Variants in RAI14 observed in about 807,000 individuals in gnomAD.
The protein encoded by RAI14 is ankycorbin.
A neutral mutation model predicts 115.4 loss-of-function variants in RAI14; 45 were observed. The observed-to-expected ratio is 0.39, with a 90% confidence interval of 0.31 to 0.50. The LOEUF is 0.50. Ranked by LOEUF, RAI14 falls within the 20% of genes least tolerant of loss-of-function variation. RAI14 has a pLI of 0.85. For synonymous variants in RAI14, 371 were observed against 415.4 expected (o/e 0.89, Z 1.30); for missense variants, 939 against 1,131.2 (o/e 0.83, Z 2.44).
chr5:34,690,063 G>A (rs1561241281), intron 2 of RAI14, among the ~76,000 whole-genome samples: 1 of 152,176 alleles, frequency 6.6e-6, no homozygotes, highest in Non-Finnish European at 1.5e-5. Context: ...CTGCCGAACA[G>A]GGAAACTGAG....
rs549473263 is a variant in RAI14, at chr5:34,778,804, T to C, written c.168-17135T>C. ...TTAATGGTATAAATATATTGGCATA[T>C]AGACTTTTGAATGACATTTCGTGTC... On this transcript the variant is annotated intron_variant, in intron 3 of 17. Transcript: ENST00000265109. 3.3e-5 allele frequency among the ~76,000 whole-genome samples: 5 copies of C among 151,272 alleles called. No homozygotes were observed. In the South Asian group the frequency reaches 1.0e-3, roughly 32 times the overall value.
intron 1 of RAI14, among the ~76,000 whole-genome samples, chr5:34,675,198 C>T (rs1324439658): frequency 6.6e-6 from 1 of 152,216 alleles, no homozygotes; most frequent in Admixed American, 6.5e-5. Context: ...GCCCAGGCCA[C>T]TGGATCTTTT....
At chr5:34,722,771 G>A (rs138653355) in intron 2 of RAI14, among the ~76,000 whole-genome samples, 23,669 of 150,770 alleles carry the variant, frequency 0.16, 2,199 homozygotes, top group Non-Finnish European at 0.19. Context: ...ACTTGAACCA[G>A]GGAGGTGGAG....
At chr5:34,790,864 T>C (rs1053913506) in intron 3 of RAI14, among the ~76,000 whole-genome samples, 3 of 151,844 alleles carry the variant, frequency 2.0e-5, no homozygotes, top group Non-Finnish European at 4.4e-5. Flanking sequence ...ACACAGGATA[T>C]GCCTACAGAA....
At chr5:34,736,503 G>C (rs1287339005) in intron 2 of RAI14, among the ~76,000 whole-genome samples, 1 of 152,088 alleles carries the variant, frequency 6.6e-6, no homozygotes, top group African/African-American at 2.4e-5. Context: ...CGTTCATTAA[G>C]TAGACTGATA....
chr5:34,719,760 G>A (rs1449083295), intron 2 of RAI14, among the ~76,000 whole-genome samples: 1 of 152,208 alleles, frequency 6.6e-6, no homozygotes, highest in Admixed American at 6.5e-5. Flanking sequence ...TGGCATGTCA[G>A]TAACTGAACT....
At chr5:34,697,702 A>G (rs77888339) in intron 2 of RAI14, among the ~76,000 whole-genome samples, 2,871 of 152,298 alleles carry the variant, frequency 0.019, 95 homozygotes, top group African/African-American at 0.065. Context: ...TCAGCCTGTA[A>G]GTTTATGTTA....
At chr5:34,788,392 G>T (rs897017114) in intron 3 of RAI14, among the ~76,000 whole-genome samples, 2 of 152,096 alleles carry the variant, frequency 1.3e-5, no homozygotes, top group African/African-American at 4.8e-5. Flanking sequence ...ATTGCCAAAT[G>T]TTCCAAGGAT....
chr5:34,684,239 T>C (rs927190769), intron 1 of RAI14, among the ~76,000 whole-genome samples: 1 of 152,208 alleles, frequency 6.6e-6, no homozygotes, highest in African/African-American at 2.4e-5. Context: ...CTACATCAGT[T>C]CTAGGTTCTC....
intron 2 of RAI14, among the ~76,000 whole-genome samples, chr5:34,725,321 G>C (rs1319313036): frequency 1.3e-5 from 2 of 152,030 alleles, no homozygotes; most frequent in Non-Finnish European, 2.9e-5. Context: ...AATGTAATTA[G>C]TGATGTGGTG....
Position 34,796,347 on chromosome 5 carries a change from G to A in RAI14, c.256+320G>A, listed in dbSNP as rs562077438. Among the ~76,000 whole-genome samples, 4 of 150,780 alleles carry A rather than the reference G, an allele frequency of 2.7e-5. 1 individual carries two copies. The highest frequency in any genetic ancestry group is 1.9e-4 in the East Asian group (1 of 5,134). ...CTGGAGGCGGAGGTTGCAGTGAGCCGAGATTGTGCCACTGCACTCCAGCCT... is the reference window on the plus strand; with the variant it reads ...CTGGAGGCGGAGGTTGCAGTGAGCCAAGATTGTGCCACTGCACTCCAGCCT... On this transcript the variant is annotated intron_variant, in intron 4 of 17. Coordinates refer to ENST00000265109, the MANE Select transcript of RAI14 (RefSeq NM_015577.3).
chr5:34,669,843 C>A (rs1342845216), intron 1 of RAI14, among the ~76,000 whole-genome samples: 1 of 152,218 alleles, frequency 6.6e-6, no homozygotes, highest in Non-Finnish European at 1.5e-5. Context: ...ATGGAAACCT[C>A]CATCTCAGTC....
At chr5:34,688,409 T>G (rs1738137666) in intron 2 of RAI14, 1 of 624,172 alleles carries the variant, frequency 1.6e-6, no homozygotes, top group African/African-American at 1.9e-5. Flanking sequence ...TAGACTTCCA[T>G]ATATATATGA....
intron 3 of RAI14, among the ~76,000 whole-genome samples, chr5:34,760,371 A>C (rs187744695): frequency 6.6e-6 from 1 of 152,310 alleles, no homozygotes; most frequent in East Asian, 1.9e-4. Flanking sequence ...GATCAGAATC[A>C]ACCCCAGATG....
intron 2 of RAI14, among the ~76,000 whole-genome samples, chr5:34,709,849 C>T (rs115786212): frequency 1.3e-3 from 193 of 152,066 alleles, no homozygotes; most frequent in African/African-American, 4.5e-3. Context: ...GTTTTGATCT[C>T]AGAGGCATAA....
At chr5:34,776,036 T>C (rs532535016) in intron 3 of RAI14, among the ~76,000 whole-genome samples, 12 of 152,144 alleles carry the variant, frequency 7.9e-5, no homozygotes, top group Non-Finnish European at 1.6e-4. Flanking sequence ...CATCATCAGA[T>C]GAATGGATAA....
chr5:34,774,307 G>GT (rs1750565745), intron 3 of RAI14, among the ~76,000 whole-genome samples: 1 of 152,058 alleles, frequency 6.6e-6, no homozygotes, highest in South Asian at 2.1e-4. Context: ...AGAGGCAGAG[G>GT]TTGCAGTGAG....
At chr5:34,719,411 A>T (rs1742387213) in intron 2 of RAI14, among the ~76,000 whole-genome samples, 1 of 152,180 alleles carries the variant, frequency 6.6e-6, no homozygotes, top group African/African-American at 2.4e-5. Flanking sequence ...TTGTCACAAC[A>T]TCCCGCTCAT....
In RAI14 at chr5:34,730,413, A is replaced by G. The variant is rs868708820; in HGVS notation, c.37-27055A>G. Among the ~76,000 whole-genome samples, 14 of 152,252 alleles carry G rather than the reference A, an allele frequency of 9.2e-5. No homozygotes were observed. In the South Asian group the frequency reaches 1.9e-3, roughly 20 times the overall value. On this transcript the variant is annotated intron_variant, in intron 2 of 17. Coordinates refer to ENST00000265109, the MANE Select transcript of RAI14 (RefSeq NM_015577.3). Reference sequence around the variant, plus strand: ...ATTGGCCAGGCATGGATGGTGGCTCATGCCTGTAATCCCAGCACTCTGGGA... The same window carrying G: ...ATTGGCCAGGCATGGATGGTGGCTCGTGCCTGTAATCCCAGCACTCTGGGA...
Sources: allele counts gnomAD v4.1 joint callset (sites outside exome capture counted in the v4.1 genomes callset), GRCh38; gene constraint gnomAD v4.1.1; transcripts MANE v1.5; gene names NCBI Gene and HGNC (gene_info 2026-07-23, HGNC 2026-07-21).